HHAT: variants seen among roughly 807,000 people sequenced by gnomAD.
The protein encoded by HHAT is hedgehog acyltransferase.
In HHAT, 47 loss-of-function variants were observed where a neutral mutation model predicts 70.8. The ratio of observed to expected loss-of-function variants is 0.66; its 90% CI spans 0.53 to 0.85. The LOEUF (loss-of-function observed/expected upper bound fraction) is 0.85, where lower values mean the gene tolerates loss of function less well. Among genes scored for constraint, HHAT ranks in the 40% least tolerant of loss-of-function variants. The probability of loss-of-function intolerance (pLI) is 0.00; values close to 1 mark genes in which losing one functional copy is unlikely to be tolerated. For synonymous variants in HHAT, 228 were observed against 247.6 expected, an observed-to-expected ratio of 0.92 and a Z score of 0.74; for missense variants, 609 against 604.8, an observed-to-expected ratio of 1.01 and a Z score of -0.07.
At chr1:210,638,172 T>C (rs116054221) in intron 11 of HHAT, among the ~76,000 whole-genome samples, 2,631 of 152,314 alleles carry the variant, frequency 0.017, 39 homozygotes, top group Middle Eastern at 0.027. Context: ...CTATATGACA[T>C]AGCAATTCTA....
chr1:210,538,399 C>T (rs537891168), intron 9 of HHAT, among the ~76,000 whole-genome samples: 81 of 152,032 alleles, frequency 5.3e-4, no homozygotes, highest in African/African-American at 1.7e-3. Context: ...ATATAAAAAA[C>T]AGGAAAAATA....
chr1:210,592,589 T>C (rs1317872114), intron 10 of HHAT, among the ~76,000 whole-genome samples: 1 of 152,138 alleles, frequency 6.6e-6, no homozygotes, highest in Non-Finnish European at 1.5e-5. Flanking sequence ...AGTATTTTGA[T>C]AGAGATTGCA....
chr1:210,627,042 T>A (rs990482549), intron 11 of HHAT, among the ~76,000 whole-genome samples: 2 of 152,100 alleles, frequency 1.3e-5, no homozygotes, highest in Non-Finnish European at 2.9e-5. Flanking sequence ...ATGGAGAGCA[T>A]TTAAGCTCAG....
intron 11 of HHAT, among the ~76,000 whole-genome samples, chr1:210,656,036 A>T (rs1291694968): frequency 6.6e-6 from 1 of 152,184 alleles, no homozygotes; most frequent in African/African-American, 2.4e-5. Context: ...AGTGATTCCA[A>T]ACAAAGATGC....
chr1:210,550,174 G>C lies in HHAT; in HGVS notation c.1043+36986G>C, dbSNP rs1423418091. Among the ~76,000 whole-genome samples the C allele has an allele frequency of 3.3e-5, 5 of 149,314 alleles. 1 individual carries two copies. Among genetic ancestry groups the C allele is most frequent in the African/African-American group, 1.2e-4 (5 of 40,438 alleles). On this transcript the variant is annotated intron_variant, in intron 9 of 11. Coordinates refer to ENST00000261458, the MANE Select transcript of HHAT (RefSeq NM_018194.6). ...TCCCTAAAGCTGTTTGATTATTCCA[G>C]CCACACAGACTTCTCTCTTTTCTGA...
chr1:210,634,736 T>A (rs1171677003), intron 11 of HHAT, among the ~76,000 whole-genome samples: 1 of 152,260 alleles, frequency 6.6e-6, no homozygotes, highest in Non-Finnish European at 1.5e-5. Context: ...ACCTCTTGAT[T>A]ACTTTTCTCA....
intron 7 of HHAT, among the ~76,000 whole-genome samples, chr1:210,430,571 T>G (rs2093213495): frequency 6.6e-6 from 1 of 151,916 alleles, no homozygotes; most frequent in Non-Finnish European, 1.5e-5. Context: ...AGTTTCTAAT[T>G]ACATGAGCGT....
At chr1:210,459,749 C>G (rs2093942341) in intron 7 of HHAT, among the ~76,000 whole-genome samples, 1 of 152,192 alleles carries the variant, frequency 6.6e-6, no homozygotes, top group Admixed American at 6.5e-5. Context: ...TTGCTTTTTC[C>G]ATTGCATTTA....
chr1:210,553,601 A>T (rs2095546659), intron 9 of HHAT, among the ~76,000 whole-genome samples: 1 of 152,252 alleles, frequency 6.6e-6, no homozygotes, highest in Admixed American at 6.5e-5. Context: ...AGCCCTGCTC[A>T]GTGCCCACAG....
At chr1:210,598,916 C>T (rs1172155502) in intron 10 of HHAT, among the ~76,000 whole-genome samples, 1 of 152,198 alleles carries the variant, frequency 6.6e-6, no homozygotes, top group Admixed American at 6.5e-5. Flanking sequence ...TCACCTCCCA[C>T]TTCTTTCATA....
At position 210,420,369 on chromosome 1, in the gene HHAT, C is replaced by T. The variant is rs187385658; in HGVS notation, c.856+2044C>T. 2.2e-3 allele frequency among the ~76,000 whole-genome samples: 328 copies of T among 152,230 alleles called. 7 individuals are homozygous for T. Among genetic ancestry groups the T allele is most frequent in the East Asian group, 3.7e-3 (19 of 5,194 alleles). ...TATGGCATTCCAGTGTATCCATATA[C>T]AAGAAGTTATTTGTCCGTTCTACAT... On this transcript the variant is annotated intron_variant, in intron 7 of 11. Coordinates refer to ENST00000261458, the MANE Select transcript of HHAT (RefSeq NM_018194.6).
intron 3 of HHAT, among the ~76,000 whole-genome samples, chr1:210,365,967 TCAC>T (rs2088918821): frequency 1.3e-5 from 2 of 151,840 alleles, no homozygotes; most frequent in African/African-American, 4.8e-5. Flanking sequence ...TCCTGCTCTG[TCAC>T]CCAGGCTGGA....
At chr1:210,569,826 C>T (rs1197146214) in intron 9 of HHAT, among the ~76,000 whole-genome samples, 1 of 152,152 alleles carries the variant, frequency 6.6e-6, no homozygotes, top group Non-Finnish European at 1.5e-5. Context: ...GCATTTATTT[C>T]ATTCTGCTTC....
intron 2 of HHAT, among the ~76,000 whole-genome samples, chr1:210,353,831 C>T (rs549496487): frequency 1.5e-4 from 23 of 151,566 alleles, no homozygotes; most frequent in African/African-American, 5.6e-4. Context: ...TGATTTTTGC[C>T]CTTATCTCAT....
intron 10 of HHAT, among the ~76,000 whole-genome samples, chr1:210,608,084 G>T (rs2148835334): frequency 6.6e-6 from 1 of 152,320 alleles, no homozygotes; most frequent in African/African-American, 2.4e-5. Context: ...CCATTCTCCT[G>T]TTGAAAATTC....
chr1:210,483,352 A>T (rs1203753069), intron 8 of HHAT, among the ~76,000 whole-genome samples: 1 of 152,196 alleles, frequency 6.6e-6, no homozygotes, highest in East Asian at 1.9e-4. Context: ...TGTTTAGAAG[A>T]GTAGAGAGAA....
intron 8 of HHAT, among the ~76,000 whole-genome samples, chr1:210,476,217 A>C (rs561127182): frequency 6.6e-5 from 10 of 152,232 alleles, no homozygotes; most frequent in Non-Finnish European, 1.0e-4. Flanking sequence ...TTGTGTTGCT[A>C]TGCAGACCTA....
intron 4 of HHAT, among the ~76,000 whole-genome samples, chr1:210,395,094 C>T (rs755664330): frequency 2.6e-5 from 4 of 151,932 alleles, no homozygotes; most frequent in Non-Finnish European, 4.4e-5. Context: ...TGATTGATTC[C>T]CTTTATTATT....
At chr1:210,447,640 A>G (rs913624732) in intron 7 of HHAT, among the ~76,000 whole-genome samples, 4 of 152,214 alleles carry the variant, frequency 2.6e-5, no homozygotes, top group African/African-American at 9.6e-5. Context: ...GTGGCAGAAT[A>G]TCCCTGTGGA....
Sources: allele counts gnomAD v4.1 joint callset (sites outside exome capture counted in the v4.1 genomes callset), GRCh38; gene constraint gnomAD v4.1.1; transcripts MANE v1.5; gene names NCBI Gene and HGNC (gene_info 2026-07-23, HGNC 2026-07-21).